Variants in DENND4C observed in about 807,000 individuals in gnomAD.
DENND4C encodes DENN domain-containing protein 4C.
DENND4C carries 108 observed loss-of-function variants against 203.0 expected under a neutral mutation model. That is an observed-to-expected ratio of 0.53 (90% CI 0.46 to 0.62). The LOEUF (loss-of-function observed/expected upper bound fraction) is 0.62, where lower values mean the gene tolerates loss of function less well. Among genes scored for constraint, DENND4C ranks in the 20% least tolerant of loss-of-function variants. The pLI, the probability that DENND4C is intolerant of heterozygous loss-of-function variation, is 0.00. For synonymous variants in DENND4C, 871 were observed against 792.4 expected (o/e 1.10, Z -1.67); for missense variants, 2,481 against 2,301.2 (o/e 1.08, Z -1.60).
intron 6 of DENND4C, among the ~76,000 whole-genome samples, chr9:19,296,597 C>T (rs913007303): frequency 2.6e-5 from 4 of 152,094 alleles, no homozygotes; most frequent in Non-Finnish European, 5.9e-5. Flanking sequence ...TCATGGTCCA[C>T]CTGCCTCAGC....
intron 16 of DENND4C, among the ~76,000 whole-genome samples, chr9:19,329,699 C>G (rs1237079145): frequency 6.6e-6 from 1 of 152,106 alleles, no homozygotes; most frequent in East Asian, 1.9e-4. Flanking sequence ...ACAACATATC[C>G]TTGTCAATTC....
intron 12 of DENND4C, among the ~76,000 whole-genome samples, chr9:19,319,401 T>TATACACACATATATATATACATATATAC (rs1448975772): frequency 1.7e-4 from 25 of 144,576 alleles, no homozygotes; most frequent in African/African-American, 5.6e-4. Context: ...TACATATATA[T>TATACACACATATATATATACATATATAC]ATACACACAT....
intron 10 of DENND4C, among the ~76,000 whole-genome samples, chr9:19,308,120 T>C (rs1484182018): frequency 2.0e-5 from 3 of 152,214 alleles, no homozygotes; most frequent in African/African-American, 7.2e-5. Flanking sequence ...AGGTTGTATC[T>C]AGATCTTTGA....
intron 10 of DENND4C, among the ~76,000 whole-genome samples, chr9:19,312,566 G>T (rs1796866363): frequency 6.6e-6 from 1 of 152,216 alleles, no homozygotes; most frequent in Non-Finnish European, 1.5e-5. Flanking sequence ...TATGTATTAT[G>T]GGGGTGAGGG....
chr9:19,306,344 A>G (rs534011800), intron 10 of DENND4C, among the ~76,000 whole-genome samples: 21 of 152,356 alleles, frequency 1.4e-4, no homozygotes, highest in African/African-American at 4.6e-4. Context: ...AACCTAAGGG[A>G]GGAAGAAAAC....
chr9:19,292,667 C>G (rs1000157592), intron 5 of DENND4C: 3 of 151,448 alleles, frequency 2.0e-5, no homozygotes, highest in African/African-American at 7.3e-5. Context: ...TGCCTTGGCT[C>G]CCCGAGTAGC....
rs557753162 is a variant in DENND4C at position 19,338,220 on chromosome 9, A to AT, written c.2881+1395dup. 4.3e-4 allele frequency among the ~76,000 whole-genome samples: 65 copies of AT among 152,150 alleles called. 1 individual carries two copies. In the South Asian group the frequency reaches 0.011, roughly 26 times the overall value. ...GCCACCATATTTTATTTCCTCTAGT[A>AT]TTTTTTTCATGATACTTGTAGAAGA... is the stretch of plus-strand genomic sequence containing the variant. On this transcript the variant is annotated intron_variant, in intron 20 of 32. Transcript: ENST00000434457.
intron 1 of DENND4C, among the ~76,000 whole-genome samples, chr9:19,262,519 C>T (rs1392483897): frequency 6.6e-6 from 1 of 151,348 alleles, no homozygotes; most frequent in Non-Finnish European, 1.5e-5. Context: ...GCAACCCCCA[C>T]CTCCCAGGTT....
Position 19,358,115 on chromosome 9 carries a change from T to C in DENND4C, c.5115T>C (p.His1705=), listed in dbSNP as rs1825772002. The change falls in exon 28 of 33, where the codon CAT becomes CAC. Residue 1705 remains histidine (H), a synonymous_variant. Coordinates refer to ENST00000434457, the MANE Select transcript of DENND4C (RefSeq NM_001330640.2). The surrounding 1 kb of genome is among the most constrained non-coding windows in gnomAD (Gnocchi z 4.8). ...QNIDFTQRPF[H]GISTVSLPNS... is the part of the protein sequence containing the mutation. The stretch of plus-strand genomic sequence containing the variant: ...TTGACTTTACCCAGCGACCGTTTCA[T>C]GGCATCTCAACAGTTAGTCTTCCAA... 6.2e-7 allele frequency: 1 copy of C among 1,613,808 alleles called. No homozygotes were observed. The highest frequency in any genetic ancestry group is 1.1e-5 in the South Asian group (1 of 91,076).
intron 1 of DENND4C, among the ~76,000 whole-genome samples, chr9:19,267,087 C>A (rs190489893): frequency 6.6e-6 from 1 of 152,102 alleles, no homozygotes; most frequent in African/African-American, 2.4e-5. Context: ...GTATATTCTG[C>A]AGCCGTTAGA....
intron 1 of DENND4C, among the ~76,000 whole-genome samples, chr9:19,254,778 T>C (rs574202306): frequency 6.6e-6 from 1 of 152,330 alleles, no homozygotes; most frequent in South Asian, 2.1e-4. Context: ...TACCAAATCA[T>C]CATTTTATAT....
intron 3 of DENND4C, among the ~76,000 whole-genome samples, chr9:19,287,759 G>A (rs1478887421): frequency 6.6e-6 from 1 of 151,306 alleles, no homozygotes; most frequent in African/African-American, 2.4e-5. Flanking sequence ...TTCAGACGGA[G>A]TCTCGCTCTG....
chr9:19,275,587 C>G (rs1832740256), intron 1 of DENND4C, among the ~76,000 whole-genome samples: 1 of 152,272 alleles, frequency 6.6e-6, no homozygotes, highest in Admixed American at 6.5e-5. Context: ...TCTCCTGCCT[C>G]AGCCTCCCGG....
At chr9:19,337,014 A>G (rs1820632392) in intron 20 of DENND4C, among the ~76,000 whole-genome samples, 182 bp downstream of exon 20, 2 of 152,230 alleles carry the variant, frequency 1.3e-5, no homozygotes, top group Non-Finnish European at 2.9e-5. Flanking sequence ...GTACAAAATT[A>G]GTATGGGAGT....
intron 20 of DENND4C, chr9:19,337,544 C>T (rs902442427): frequency 3.0e-6 from 3 of 1,012,992 alleles, no homozygotes; most frequent in Admixed American, 9.4e-5. Context: ...TTGCTTTTTG[C>T]TCTGTGCTGT....
chr9:19,274,528 C>A (rs1441748720), intron 1 of DENND4C, among the ~76,000 whole-genome samples: 6 of 152,234 alleles, frequency 3.9e-5, no homozygotes, highest in African/African-American at 1.4e-4. Context: ...CTCCCAACCT[C>A]AGGTGTTGCA....
chr9:19,342,615 C>G lies in DENND4C; in HGVS notation c.3005-18C>G, dbSNP rs754185325. On this transcript the variant is annotated intron_variant, in intron 21 of 32. Coordinates refer to ENST00000434457, the MANE Select transcript of DENND4C (RefSeq NM_001330640.2). Reference sequence around the variant, plus strand: ...TTGGCAAAAGTAGGAATGATAACATCCAAATATTTTTTTCCAGAGGTGTGT... The same window carrying G: ...TTGGCAAAAGTAGGAATGATAACATGCAAATATTTTTTTCCAGAGGTGTGT... 3 of 1,576,390 alleles carry G rather than the reference C, an allele frequency of 1.9e-6. No individual in the cohort carries two copies. In the South Asian group the frequency reaches 3.6e-5, roughly 19 times the overall value.
chr9:19,248,052 CCTT>C (rs903199799), intron 1 of DENND4C, among the ~76,000 whole-genome samples: 1 of 152,160 alleles, frequency 6.6e-6, no homozygotes, highest in Non-Finnish European at 1.5e-5. Context: ...ATTCTTTTCT[CCTT>C]CTAGTTTGTT....
At chr9:19,241,688 C>T (rs576438428) in intron 1 of DENND4C, among the ~76,000 whole-genome samples, 24 of 152,040 alleles carry the variant, frequency 1.6e-4, no homozygotes, top group African/African-American at 5.3e-4. Context: ...TGGACTACCT[C>T]CTGAAGGAAA....
Sources: gnomAD v4.1 joint callset for allele counts (sites outside exome capture counted in the v4.1 genomes callset) on GRCh38, gnomAD v4.1.1 for gene constraint, Gnocchi (gnomAD v3.1) non-coding constraint, MANE v1.5 for transcripts, NCBI Gene and HGNC (gene_info 2026-07-23, HGNC 2026-07-21) for gene names.